Variants in FCGR3A observed in about 807,000 individuals in gnomAD.
FCGR3A encodes Fc gamma receptor IIIa.
In FCGR3A, 13 loss-of-function variants were observed where a neutral mutation model predicts 24.1. The ratio of observed to expected loss-of-function variants is 0.54; its 90% CI spans 0.35 to 0.86. The LOEUF (loss-of-function observed/expected upper bound fraction) is 0.86. FCGR3A is among the 40% of genes least tolerant of loss of function. The pLI is 0.01. For synonymous variants in FCGR3A, 93 were observed against 112.2 expected (o/e 0.83, Z 1.08); for missense variants, 235 against 298.0 (o/e 0.79, Z 1.56).
intron 3 of FCGR3A, chr1:161,545,370 T>G: frequency 5.4e-6 from 1 of 183,974 alleles, no homozygotes; most frequent in Non-Finnish European, 1.1e-5. Context: ...GAGGAAAAGG[T>G]AGATTTCAGA....
rs779031010 is a variant in FCGR3A at position 161,542,983 on chromosome 1, C to T, written c.*29G>A. On this transcript the variant is annotated 3_prime_UTR_variant, in exon 5 of 5. Coordinates refer to ENST00000443193, the MANE Select transcript of FCGR3A (RefSeq NM_000569.8). ...GAAATGTTCAGAGATGCTGCTGCTA[C>T]TGCTCTTATTACCCCCATGGGATGG... is the stretch of plus-strand genomic sequence containing the variant. 7 of 1,560,164 alleles carry T rather than the reference C, an allele frequency of 4.5e-6. No homozygotes were observed. Among genetic ancestry groups the T allele is most frequent in the Non-Finnish European group, 5.2e-6 (6 of 1,142,878 alleles).
Position 161,543,243 on chromosome 1 carries a change from A to C in FCGR3A, c.578-44T>G, listed in dbSNP as rs1677216878. 1.9e-6 allele frequency: 3 copies of C among 1,592,776 alleles called. No individual in the cohort carries two copies. In the East Asian group the frequency reaches 6.7e-5, roughly 36 times the overall value. ...AGATGAAAAAAAATGACAGTCACTAAGGCAGATATTTGGAACAAACAGTGA... is the reference window on the plus strand; with the variant it reads ...AGATGAAAAAAAATGACAGTCACTACGGCAGATATTTGGAACAAACAGTGA... On this transcript the variant is annotated intron_variant, in intron 4 of 4. Transcript: ENST00000443193.
chr1:161,542,389 C>T lies in FCGR3A; in HGVS notation c.*623G>A, dbSNP rs1469141086. ...AGATGGTCCAGTTCTGATAGAGTCC[C>T]CTGGAAGACTCAATTCTACGTCACC... On this transcript the variant is annotated 3_prime_UTR_variant, in exon 5 of 5. Coordinates refer to ENST00000443193, the MANE Select transcript of FCGR3A (RefSeq NM_000569.8). 3 of 151,890 alleles carry T rather than the reference C, an allele frequency of 2.0e-5. No individual in the cohort carries two copies. Among genetic ancestry groups the T allele is most frequent in the East Asian group, 1.9e-4 (1 of 5,306 alleles). 9.4% of individuals were successfully genotyped at this position (151,890 alleles called of 1,614,324 possible).
At chr1:161,544,630 C>G (rs1572013716) in intron 4 of FCGR3A, 71 bp downstream of exon 4, 1 of 1,562,734 alleles carries the variant, frequency 6.4e-7, no homozygotes, top group East Asian at 2.2e-5. Flanking sequence ...CCTCCCAACT[C>G]AACTTCCCAG....
rs559245444 is a variant in FCGR3A at position 161,543,219 on chromosome 1, G to T, written c.578-20C>A. On this transcript the variant is annotated intron_variant, in intron 4 of 4. Coordinates refer to ENST00000443193, the MANE Select transcript of FCGR3A (RefSeq NM_000569.8). Reference sequence around the variant, plus strand: ...CCAAACCTATTAGGAGAAGTGGAGAGATGAAAAAAAATGACAGTCACTAAG... The same window carrying T: ...CCAAACCTATTAGGAGAAGTGGAGATATGAAAAAAAATGACAGTCACTAAG... 1.9e-6 allele frequency: 3 copies of T among 1,601,586 alleles called. No individual in the cohort carries two copies. In the Admixed American group the frequency reaches 5.3e-5, roughly 28 times the overall value.
rs1319524129 is a variant in FCGR3A, at chr1:161,543,048, A to G, written c.729T>C (p.His243=). 3 of 1,612,872 alleles carry G rather than the reference A, an allele frequency of 1.9e-6. No individual in the cohort carries two copies. The highest frequency in any genetic ancestry group is 1.3e-5 in the African/African-American group (1 of 74,764). The part of the protein sequence containing the change: ...IRSSTRDWKD[H]KFKWRKDPQD... Reference sequence around the variant, plus strand: ...GAGGGTCCTTTCTCCATTTAAATTTATGGTCCTTCCAGTCTCTTGTTGAGC... The same window carrying G: ...GAGGGTCCTTTCTCCATTTAAATTTGTGGTCCTTCCAGTCTCTTGTTGAGC... The change falls in exon 5 of 5, where the codon CAT becomes CAC. Residue 243 remains histidine, a synonymous_variant. Transcript: ENST00000443193.
At chr1:161,544,582 A>T in intron 4 of FCGR3A, 119 bp downstream of exon 4, 1 of 1,094,430 alleles carries the variant, frequency 9.1e-7, no homozygotes, top group East Asian at 2.4e-5. Flanking sequence ...CCAGGAGGGA[A>T]CCACATATGA....
intron 1 of FCGR3A, 27 bp downstream of exon 1, chr1:161,549,670 C>A: frequency 6.2e-7 from 1 of 1,612,766 alleles, no homozygotes; most frequent in Non-Finnish European, 8.5e-7. Context: ...TCAAACTTCT[C>A]CCTCAACCAG....
rs748448476 is a variant in FCGR3A at position 161,544,690 on chromosome 1, A to C, written c.577+11T>G. The C allele has an allele frequency of 2.5e-6, 4 of 1,610,890 alleles. No individual in the cohort carries two copies. In the Admixed American group the frequency reaches 6.7e-5, roughly 27 times the overall value. On this transcript the variant is annotated intron_variant, in intron 4 of 4. Coordinates refer to ENST00000443193, the MANE Select transcript of FCGR3A (RefSeq NM_000569.8). ...GCGTCCCTGGGCATTCCAGGGTGGC[A>C]CATGTCTCACCTTGAGTGATGGTGA...
chr1:161,550,042 C>T, upstream of FCGR3A: 1 of 627,516 alleles, frequency 1.6e-6, no homozygotes, highest in South Asian at 2.0e-5. Context: ...CAGAGTGTGC[C>T]CTCAGCCATC....
chr1:161,547,671 T>C (rs1447948627), intron 3 of FCGR3A, among the ~76,000 whole-genome samples: 1 of 152,222 alleles, frequency 6.6e-6, no homozygotes, highest in Non-Finnish European at 1.5e-5. Context: ...CAGAAAGATA[T>C]GATGCTAGGC....
chr1:161,546,683 A>G (rs767115689), intron 3 of FCGR3A, among the ~76,000 whole-genome samples: 2 of 151,978 alleles, frequency 1.3e-5, no homozygotes, highest in Non-Finnish European at 2.9e-5. Flanking sequence ...AGGTGGGCAG[A>G]TCATGAAGTC....
chr1:161,547,590 C>T (rs1677483236), intron 3 of FCGR3A, among the ~76,000 whole-genome samples: 1 of 152,160 alleles, frequency 6.6e-6, no homozygotes, highest in Non-Finnish European at 1.5e-5. Flanking sequence ...GTATCTGCCT[C>T]TATTGGAAGA....
At chr1:161,548,135 TG>T (rs1677522525) in intron 3 of FCGR3A, among the ~76,000 whole-genome samples, 1 of 152,294 alleles carries the variant, frequency 6.6e-6, no homozygotes, top group Admixed American at 6.5e-5. Context: ...ATCTATGCCA[TG>T]GCCTAACCTT....
intron 1 of FCGR3A, 83 bp downstream of exon 1, chr1:161,549,614 T>A (rs1220875031): frequency 6.3e-7 from 1 of 1,575,710 alleles, no homozygotes; most frequent in Non-Finnish European, 8.6e-7. Context: ...TTCGTGGGAG[T>A]CTCATTCGTA....
intron 4 of FCGR3A, 69 bp downstream of exon 4, chr1:161,544,632 A>C (rs1314605887): frequency 2.4e-5 from 38 of 1,567,002 alleles, no homozygotes; most frequent in Middle Eastern, 2.2e-4. Context: ...TCCCAACTCA[A>C]CTTCCCAGTG....
In FCGR3A at chr1:161,542,999, C is replaced by A. The variant is rs1168492790; in HGVS notation, c.*13G>T. On this transcript the variant is annotated 3_prime_UTR_variant, in exon 5 of 5. Coordinates refer to ENST00000443193, the MANE Select transcript of FCGR3A (RefSeq NM_000569.8). ...CTGCTGCTACTGCTCTTATTACCCC[C>A]ATGGGATGGGGGTCATTTGTCTTGA... 3.1e-6 allele frequency: 5 copies of A among 1,599,618 alleles called. No individual in the cohort carries two copies. Among genetic ancestry groups the A allele is most frequent in the Non-Finnish European group, 4.3e-6 (5 of 1,171,566 alleles).
intron 3 of FCGR3A, among the ~76,000 whole-genome samples, chr1:161,546,040 C>T (rs1275381702): frequency 1.3e-5 from 2 of 151,932 alleles, no homozygotes; most frequent in Admixed American, 6.6e-5. Context: ...AAGAACAAAA[C>T]AAAATTTACA....
At position 161,549,712 on chromosome 1, in the gene FCGR3A, C is replaced by T. The variant is rs58856594; in HGVS notation, c.25G>A (p.Ala9Thr). 64 of 1,613,872 alleles carry T rather than the reference C, an allele frequency of 4.0e-5. 2 individuals are homozygous for T. The African/African-American group carries it at 6.8e-4, about 17-fold the overall frequency. The change falls in exon 1 of 5, where the codon GCT becomes ACT. Residue 9 changes from alanine (A) to threonine (T), a missense_variant. By Grantham distance (58) the Ala-to-Thr change is moderately conservative. Coordinates refer to ENST00000443193, the MANE Select transcript of FCGR3A (RefSeq NM_000569.8). MWQLLLPT[A>T]LLLLVSAGMR... ...CCTGACTTACCTAGAAGTAGCAGAG[C>T]AGTTGGGAGGAGCAGCTGCCACATG...
Sources: gnomAD v4.1 joint callset for allele counts (sites outside exome capture counted in the v4.1 genomes callset) on GRCh38, gnomAD v4.1.1 for gene constraint, MANE v1.5 for transcripts, NCBI Gene and HGNC (gene_info 2026-07-23, HGNC 2026-07-21) for gene names.